The following RNF130 variants were observed in gnomAD, a reference collection of about 807,000 sequenced individuals.
The protein encoded by RNF130 is ring finger protein 130.
Under a neutral mutation model 44.6 loss-of-function variants are expected in RNF130, and 21 were observed. The observed-to-expected ratio is 0.47, with a 90% CI of 0.33 to 0.68. The LOEUF (loss-of-function observed/expected upper bound fraction) is 0.68, where lower values mean the gene tolerates loss of function less well. Among genes scored for constraint, RNF130 ranks in the 30% least tolerant of loss-of-function variants. RNF130 has a pLI of 0.02. For missense variants in RNF130, 479 were observed against 560.6 expected, an observed-to-expected ratio of 0.85 and a Z score of 1.47; for synonymous variants, 214 against 210.4, an observed-to-expected ratio of 1.02 and a Z score of -0.15.
At chr5:179,960,955 T>G (rs1459479119) in intron 8 of RNF130, among the ~76,000 whole-genome samples, 1 of 152,126 alleles carries the variant, frequency 6.6e-6, no homozygotes, top group East Asian at 1.9e-4. Flanking sequence ...TACAAATTTG[T>G]TTGCTAAAAT....
chr5:179,994,434 T>G (rs1383746209), intron 3 of RNF130, among the ~76,000 whole-genome samples: 1 of 152,230 alleles, frequency 6.6e-6, no homozygotes. Flanking sequence ...TCATCCCTTG[T>G]AAGTTGGATT....
intron 5 of RNF130, among the ~76,000 whole-genome samples, chr5:179,971,876 C>G (rs1489972729): frequency 2.6e-5 from 4 of 152,208 alleles, no homozygotes; most frequent in African/African-American, 9.6e-5. Flanking sequence ...AATATACACA[C>G]ACGTCTGCCT....
At chr5:179,935,361 T>C (rs1761874858) in intron 7 of RNF130, among the ~76,000 whole-genome samples, 1 of 152,194 alleles carries the variant, frequency 6.6e-6, no homozygotes, top group Non-Finnish European at 1.5e-5. Flanking sequence ...TATATAAATA[T>C]ATATGTTAAT....
chr5:180,043,758 C>A (rs946994268), intron 1 of RNF130, among the ~76,000 whole-genome samples: 1 of 151,860 alleles, frequency 6.6e-6, no homozygotes, highest in African/African-American at 2.4e-5. Flanking sequence ...CCAACAACGG[C>A]CTGTATAAGC....
intron 1 of RNF130, among the ~76,000 whole-genome samples, chr5:180,067,468 C>T (rs977197069): frequency 6.6e-6 from 1 of 151,982 alleles, no homozygotes; most frequent in South Asian, 2.1e-4. Flanking sequence ...TTTAGAGGTT[C>T]GCTGTAAGAG....
downstream of RNF130, among the ~76,000 whole-genome samples, chr5:179,953,872 C>A (rs1037097725): frequency 6.6e-6 from 1 of 152,080 alleles, no homozygotes; most frequent in African/African-American, 2.4e-5. Flanking sequence ...TGATAAAGGC[C>A]TAGTATCTAG....
At chr5:179,954,020 G>GTAA (rs1762164860), downstream of RNF130, among the ~76,000 whole-genome samples, 1 of 152,134 alleles carries the variant, frequency 6.6e-6, no homozygotes, top group Admixed American at 6.5e-5. Context: ...AGTCACTAGG[G>GTAA]TAATGCATGT....
At chr5:180,023,990 A>G (rs1238797144) in intron 2 of RNF130, among the ~76,000 whole-genome samples, 4 of 152,230 alleles carry the variant, frequency 2.6e-5, no homozygotes, top group African/African-American at 2.4e-5. Context: ...TTGGTATGAC[A>G]GGATGCATGC....
At chr5:179,913,606 G>A (rs79725129) in exon 8 of RNF130, 1 of 152,132 alleles carries the variant, frequency 6.6e-6, no homozygotes, top group East Asian at 1.9e-4. Context: ...GGAGGCTGTG[G>A]GGCCATAGCT....
chr5:179,993,413 A>G (rs1281846480), intron 3 of RNF130, among the ~76,000 whole-genome samples: 1 of 152,184 alleles, frequency 6.6e-6, no homozygotes, highest in Non-Finnish European at 1.5e-5. Flanking sequence ...AACAATCACC[A>G]TTCTAACTGG....
exon 8 of RNF130, chr5:179,916,597 CA>C (rs1761549280): frequency 6.6e-6 from 1 of 152,220 alleles, no homozygotes; most frequent in Non-Finnish European, 1.5e-5. Context: ...TGCCAGACCT[CA>C]GTGCTCAAGG....
At chr5:180,000,427 T>A (rs1226917765) in intron 3 of RNF130, among the ~76,000 whole-genome samples, 1 of 152,232 alleles carries the variant, frequency 6.6e-6, no homozygotes, top group Non-Finnish European at 1.5e-5. Context: ...CTGGATCTGT[T>A]GTCCATATAT....
chr5:179,978,327 G>A (rs1582158583), intron 4 of RNF130, 42 bp from the exon 5 acceptor site: 1 of 1,312,008 alleles, frequency 7.6e-7, no homozygotes, highest in Non-Finnish European at 1.1e-6. Context: ...CACGCTGCAA[G>A]TATATAAATG....
At chr5:179,975,647 C>T (rs910783900) in intron 5 of RNF130, among the ~76,000 whole-genome samples, 2 of 152,132 alleles carry the variant, frequency 1.3e-5, no homozygotes, top group African/African-American at 4.8e-5. Flanking sequence ...GAGGAACAAA[C>T]AGCCGCTCAG....
At chr5:180,050,539 G>A (rs936812519) in intron 1 of RNF130, among the ~76,000 whole-genome samples, 5 of 152,168 alleles carry the variant, frequency 3.3e-5, no homozygotes, top group Non-Finnish European at 5.9e-5. Context: ...CCAAGTATGT[G>A]GGCACCTGTG....
chr5:179,975,118 C>G (rs1762688280), intron 5 of RNF130, among the ~76,000 whole-genome samples: 1 of 152,194 alleles, frequency 6.6e-6, no homozygotes, highest in Non-Finnish European at 1.5e-5. Context: ...GGGAACAGAA[C>G]CGCTTAGCAA....
intron 7 of RNF130, among the ~76,000 whole-genome samples, chr5:179,943,023 C>G: frequency 6.6e-6 from 1 of 152,052 alleles, no homozygotes; most frequent in Non-Finnish European, 1.5e-5. Flanking sequence ...GGTGAAACAC[C>G]GTCTCTACTA....
chr5:179,935,295 T>C (rs921828593), intron 7 of RNF130, among the ~76,000 whole-genome samples: 20 of 152,336 alleles, frequency 1.3e-4, no homozygotes, highest in African/African-American at 4.8e-4. Context: ...TAAGTCTATC[T>C]TAGTAAATAA....
Position 179,981,236 on chromosome 5 carries a change from C to T in RNF130, c.694-1036G>A, listed in dbSNP as rs1157541404. Among the ~76,000 whole-genome samples, 7 of 152,090 alleles carry T rather than the reference C, an allele frequency of 4.6e-5. 1 individual carries two copies. The South Asian group carries it at 1.2e-3, about 27-fold the overall frequency. Reference sequence around the variant, plus strand: ...GTTCAAATTAGAAAGCTTTGTGCATCAGAGGGCCCTAGGAACACTCACACT... The same window carrying T: ...GTTCAAATTAGAAAGCTTTGTGCATTAGAGGGCCCTAGGAACACTCACACT... On this transcript the variant is annotated intron_variant, in intron 3 of 8. Coordinates refer to ENST00000521389, the MANE Select transcript of RNF130 (RefSeq NM_018434.6).
Sources: allele counts gnomAD v4.1 joint callset (sites outside exome capture counted in the v4.1 genomes callset), GRCh38; gene constraint gnomAD v4.1.1; transcripts MANE v1.5; gene names NCBI Gene and HGNC (gene_info 2026-07-23, HGNC 2026-07-21).